Variants in TFEC observed in about 807,000 individuals in gnomAD.
The protein encoded by TFEC is class E basic helix-loop-helix protein 34.
In TFEC, 31 loss-of-function variants were observed where a neutral mutation model predicts 41.6. The observed-to-expected ratio is 0.74, with a 90% CI of 0.56 to 1.01. TFEC has a LOEUF of 1.01. Among genes scored for constraint, TFEC ranks in the 50% least tolerant of loss-of-function variants. TFEC has a pLI of 0.00. For missense variants in TFEC, 402 were observed against 404.1 expected (o/e 0.99, Z 0.04); for synonymous variants, 143 against 140.6 (o/e 1.02, Z -0.12).
intron 1 of TFEC, among the ~76,000 whole-genome samples, chr7:116,021,060 A>T (rs1312553391): frequency 6.6e-6 from 1 of 152,146 alleles, no homozygotes; most frequent in African/African-American, 2.4e-5. Context: ...TTATGGTGTT[A>T]TTTTTGTCTT....
chr7:115,970,457 T>G (rs1299739113), intron 3 of TFEC, among the ~76,000 whole-genome samples: 2 of 151,870 alleles, frequency 1.3e-5, no homozygotes, highest in African/African-American at 4.8e-5. Flanking sequence ...GGCAGTGAGT[T>G]TTTTTGTGTC....
At chr7:116,136,340 AC>A (rs1302071774) in intron 1 of TFEC, among the ~76,000 whole-genome samples, 1 of 152,046 alleles carries the variant, frequency 6.6e-6, no homozygotes, top group African/African-American at 2.4e-5. Context: ...AAACTCAAAT[AC>A]GCATATCTGC....
intron 3 of TFEC, among the ~76,000 whole-genome samples, chr7:116,042,858 T>C (rs1337999527): frequency 6.8e-6 from 1 of 148,112 alleles, no homozygotes; most frequent in Non-Finnish European, 1.5e-5. Context: ...GAGTAGCATA[T>C]TTGGACTTCT....
intron 3 of TFEC, among the ~76,000 whole-genome samples, chr7:116,085,128 A>T (rs1797174033): frequency 6.6e-6 from 1 of 151,920 alleles, no homozygotes; most frequent in African/African-American, 2.4e-5. Context: ...GCAAAGTCTT[A>T]TTAGAAGTAA....
intron 3 of TFEC, among the ~76,000 whole-genome samples, chr7:116,057,632 A>G (rs1451279418): frequency 6.6e-6 from 1 of 151,924 alleles, no homozygotes. Context: ...AAGTATCTCT[A>G]AAAGATAATT....
Position 115,939,619 on chromosome 7 carries a change from G to A in TFEC, c.*932C>T, listed in dbSNP as rs1305614276. On this transcript the variant is annotated 3_prime_UTR_variant, in exon 8 of 8. Coordinates refer to ENST00000265440, the MANE Select transcript of TFEC (RefSeq NM_012252.4). ...GAAAAGTTTTAAGTACCTGAAAACTGTCCTTGCAGGGGGACATTTTATATT... is the reference window on the plus strand; with the variant it reads ...GAAAAGTTTTAAGTACCTGAAAACTATCCTTGCAGGGGGACATTTTATATT... 1 of 152,006 alleles carries A rather than the reference G, an allele frequency of 6.6e-6. No individual in the cohort carries two copies. Among genetic ancestry groups the A allele is most frequent in the African/African-American group, 2.4e-5 (1 of 41,420 alleles). 9.4% of individuals were successfully genotyped at this position (152,006 alleles called of 1,614,324 possible).
intron 1 of TFEC, among the ~76,000 whole-genome samples, chr7:116,022,701 G>A (rs868809807): frequency 6.6e-6 from 1 of 152,038 alleles, no homozygotes; most frequent in African/African-American, 2.4e-5. Flanking sequence ...TAATGTATTC[G>A]ACTTCTTTTT....
chr7:116,127,307 T>G (rs1459412674), intron 1 of TFEC, among the ~76,000 whole-genome samples: 2 of 152,080 alleles, frequency 1.3e-5, no homozygotes, highest in Non-Finnish European at 2.9e-5. Context: ...ATGGTCTTGA[T>G]CTCCTGACCT....
chr7:116,105,006 T>A (rs2116010662), intron 3 of TFEC, among the ~76,000 whole-genome samples: 1 of 152,260 alleles, frequency 6.6e-6, no homozygotes, highest in Middle Eastern at 3.4e-3. Flanking sequence ...TGTGTCAGGA[T>A]TAATATCCTC....
intron 3 of TFEC, among the ~76,000 whole-genome samples, chr7:116,058,397 G>C (rs188869220): frequency 1.2e-3 from 139 of 111,478 alleles, no homozygotes; most frequent in African/African-American, 3.9e-3. Flanking sequence ...TATAGAATCA[G>C]AATCAAAAAA....
At chr7:116,143,253 A>G (rs1005807636) in intron 1 of TFEC, among the ~76,000 whole-genome samples, 2 of 152,192 alleles carry the variant, frequency 1.3e-5, no homozygotes, top group African/African-American at 4.8e-5. Flanking sequence ...AAAAGATTCT[A>G]CCAAGATCTT....
chr7:116,142,425 G>C (rs1798560046), intron 1 of TFEC, among the ~76,000 whole-genome samples: 1 of 152,014 alleles, frequency 6.6e-6, no homozygotes. Flanking sequence ...CATACAGCTG[G>C]GTCCTACCAG....
rs180872665 is a variant in TFEC, at chr7:115,950,950, C to A, written c.440-1G>T. 1.3e-6 allele frequency: 2 copies of A among 1,553,932 alleles called. No individual in the cohort carries two copies. The highest frequency in any genetic ancestry group is 1.8e-6 in the Non-Finnish European group (2 of 1,133,358). On this transcript the variant is annotated splice_acceptor_variant, in intron 5 of 7. Coordinates refer to ENST00000265440, the MANE Select transcript of TFEC (RefSeq NM_012252.4). LOFTEE classifies it high-confidence loss of function. ...ATATTATACCTTCTTCTTCTTTCAACTATTAAAGAAGAAATATTATTGATT... is the reference window on the plus strand; with the variant it reads ...ATATTATACCTTCTTCTTCTTTCAAATATTAAAGAAGAAATATTATTGATT...
intron 1 of TFEC, among the ~76,000 whole-genome samples, chr7:116,022,787 A>G (rs1035155372): frequency 4.6e-5 from 7 of 152,178 alleles, no homozygotes; most frequent in Non-Finnish European, 8.8e-5. Context: ...ATTTAAAAGC[A>G]GCACTAAAAA....
At chr7:116,146,129 G>A (rs1798636323) in intron 1 of TFEC, among the ~76,000 whole-genome samples, 1 of 152,134 alleles carries the variant, frequency 6.6e-6, no homozygotes, top group Admixed American at 6.5e-5. Context: ...CACCTGTCTT[G>A]GCAAGGGAAG....
chr7:116,023,521 T>C (rs1795476630), intron 1 of TFEC, among the ~76,000 whole-genome samples: 1 of 152,128 alleles, frequency 6.6e-6, no homozygotes, highest in African/African-American at 2.4e-5. Flanking sequence ...GCAAAAAAAC[T>C]AAAGACTCTG....
intron 1 of TFEC, among the ~76,000 whole-genome samples, chr7:116,019,919 C>A (rs1795329512): frequency 6.6e-6 from 1 of 152,102 alleles, no homozygotes; most frequent in Non-Finnish European, 1.5e-5. Flanking sequence ...AAAATCAAAC[C>A]AAGTCTACTT....
At chr7:116,097,067 C>A (rs1054287531) in intron 3 of TFEC, among the ~76,000 whole-genome samples, 1 of 148,300 alleles carries the variant, frequency 6.7e-6, no homozygotes, top group East Asian at 2.0e-4. Flanking sequence ...TCCAGCCTGG[C>A]GACAGAGCGA....
intron 3 of TFEC, among the ~76,000 whole-genome samples, chr7:115,967,280 T>C (rs1394700610): frequency 6.6e-6 from 1 of 151,712 alleles, no homozygotes; most frequent in African/African-American, 2.4e-5. Flanking sequence ...ACTGAGGCAG[T>C]ATTTTGAGTT....
Sources: allele counts gnomAD v4.1 joint callset (sites outside exome capture counted in the v4.1 genomes callset), GRCh38; gene constraint gnomAD v4.1.1; transcripts MANE v1.5; gene names NCBI Gene and HGNC (gene_info 2026-07-23, HGNC 2026-07-21).